Variants in ITCH observed in about 807,000 individuals in gnomAD.
ITCH encodes itchy E3 ubiquitin protein ligase, also known as E3 ubiquitin-protein ligase Itchy homolog.
ITCH carries 28 observed loss-of-function variants against 126.8 expected under a neutral mutation model. The observed-to-expected ratio is 0.22, with a 90% CI of 0.16 to 0.30. The LOEUF is 0.30. Ranked by LOEUF, ITCH falls within the 10% of genes least tolerant of loss-of-function variation. The pLI is 1.00. For missense variants in ITCH, 631 were observed against 1,032.4 expected, an observed-to-expected ratio of 0.61 and a Z score of 5.33; for synonymous variants, 342 against 340.0, an observed-to-expected ratio of 1.01 and a Z score of -0.06.
intron 16 of ITCH, 102 bp from the exon 17 acceptor site, chr20:34,477,670 G>A: frequency 1.0e-6 from 1 of 990,408 alleles, no homozygotes; most frequent in Non-Finnish European, 1.6e-6. Context: ...TGTGTCATGG[G>A]AGATTTCAGT....
chr20:34,372,091 G>A (rs1329011714), intron 2 of ITCH, among the ~76,000 whole-genome samples: 2 of 151,788 alleles, frequency 1.3e-5, no homozygotes, highest in African/African-American at 4.8e-5. Context: ...CGGATCACGA[G>A]GTCAGAAGAT....
intron 7 of ITCH, among the ~76,000 whole-genome samples, chr20:34,424,880 A>G (rs1303888327): frequency 1.3e-5 from 2 of 152,220 alleles, no homozygotes; most frequent in East Asian, 3.8e-4. Flanking sequence ...GAAGGTCACC[A>G]CTAGCTATGG....
chr20:34,508,234 C>T lies in ITCH; in HGVS notation c.*440C>T. The T allele has an allele frequency of 5.1e-6, 1 of 196,734 alleles. No individual in the cohort carries two copies. Among genetic ancestry groups the T allele is most frequent in the South Asian group, 9.0e-5 (1 of 11,116 alleles). 12.2% of individuals were successfully genotyped at this position (196,734 alleles called of 1,614,324 possible). ...ATTTGTTAAAAGTGCAAGCTTACTC[C>T]TGCTTCTGGGGATGTGAGCAAAATT... is the stretch of plus-strand genomic sequence containing the variant. On this transcript the variant is annotated 3_prime_UTR_variant, in exon 25 of 25. Coordinates refer to ENST00000374864, the MANE Select transcript of ITCH (RefSeq NM_031483.7).
intron 10 of ITCH, among the ~76,000 whole-genome samples, chr20:34,444,090 A>G (rs1330027066): frequency 6.6e-6 from 1 of 152,366 alleles, no homozygotes; most frequent in African/African-American, 2.4e-5. Context: ...AGTTTGCTAC[A>G]TTAAGAATAT....
intron 1 of ITCH, among the ~76,000 whole-genome samples, chr20:34,369,143 T>C (rs981442006): frequency 2.2e-4 from 34 of 151,968 alleles, no homozygotes; most frequent in African/African-American, 7.5e-4. Context: ...GCCTGACCAA[T>C]ATGGTGAAAC....
intron 20 of ITCH, among the ~76,000 whole-genome samples, chr20:34,486,403 G>A (rs1989118867): frequency 6.7e-6 from 1 of 148,864 alleles, no homozygotes; most frequent in Non-Finnish European, 1.5e-5. Flanking sequence ...TTGGCTCACT[G>A]CAACTTCCAT....
intron 16 of ITCH, chr20:34,476,466 G>T (rs1285214396): frequency 2.5e-6 from 3 of 1,216,238 alleles, no homozygotes; most frequent in Non-Finnish European, 2.0e-6. Flanking sequence ...CGCCCCCAGC[G>T]GCAGCCATCG....
chr20:34,396,340 T>C (rs565483088), intron 3 of ITCH, among the ~76,000 whole-genome samples: 2 of 151,822 alleles, frequency 1.3e-5, no homozygotes, highest in African/African-American at 4.8e-5. Context: ...GCCCAAATTA[T>C]TTTTAAAAGC....
At chr20:34,470,610 T>G (rs1456054660) in intron 15 of ITCH, among the ~76,000 whole-genome samples, 1 of 152,216 alleles carries the variant, frequency 6.6e-6, no homozygotes, top group Non-Finnish European at 1.5e-5. Context: ...TTATTTTTTC[T>G]GAGACAGGAT....
intron 5 of ITCH, among the ~76,000 whole-genome samples, chr20:34,413,025 G>A (rs1320129271): frequency 6.6e-6 from 1 of 151,750 alleles, no homozygotes; most frequent in Admixed American, 6.6e-5. Context: ...GAGGGACATG[G>A]GGAGACAAGG....
chr20:34,430,301 A>G (rs145383441), intron 7 of ITCH, among the ~76,000 whole-genome samples: 1 of 152,312 alleles, frequency 6.6e-6, no homozygotes, highest in East Asian at 1.9e-4. Flanking sequence ...CGTAACTATC[A>G]TGCTTTACTG....
intron 2 of ITCH, among the ~76,000 whole-genome samples, chr20:34,386,095 G>GTT (rs58468663): frequency 3.9e-4 from 56 of 144,764 alleles, no homozygotes; most frequent in East Asian, 1.2e-3. Flanking sequence ...CGGCTCCTTT[G>GTT]TTTTTTTTTT....
At chr20:34,483,898 ACAAT>A (rs1988931575) in intron 20 of ITCH, among the ~76,000 whole-genome samples, 1 of 152,224 alleles carries the variant, frequency 6.6e-6, no homozygotes. Flanking sequence ...GGGAGGCCTC[ACAAT>A]CATGGTGGAA....
intron 6 of ITCH, among the ~76,000 whole-genome samples, chr20:34,419,989 T>TTC (rs1229216057): frequency 6.6e-6 from 1 of 152,180 alleles, no homozygotes; most frequent in Non-Finnish European, 1.5e-5. Flanking sequence ...ATAAACAGAT[T>TTC]TAACGTTTAT....
intron 3 of ITCH, among the ~76,000 whole-genome samples, chr20:34,406,692 G>C (rs1448928717): frequency 6.6e-6 from 1 of 151,840 alleles, no homozygotes; most frequent in Admixed American, 6.6e-5. Flanking sequence ...TCGCCACCAC[G>C]CCCGGCTAAT....
chr20:34,383,330 G>A lies in ITCH; in HGVS notation c.-21-10461G>A, dbSNP rs1187052705. ...AGGTATTGGGGGTGGGATTACAGGC[G>A]TGAGCCACCATGCCAGTCTTGGGCT... On this transcript the variant is annotated intron_variant, in intron 2 of 24. Transcript: ENST00000374864. Among the ~76,000 whole-genome samples the A allele has an allele frequency of 3.3e-5, 5 of 150,456 alleles. No homozygotes were observed. In the East Asian group the frequency reaches 7.8e-4, roughly 23 times the overall value.
At chr20:34,381,489 C>T (rs987258826) in intron 2 of ITCH, among the ~76,000 whole-genome samples, 5 of 151,732 alleles carry the variant, frequency 3.3e-5, no homozygotes, top group Non-Finnish European at 5.9e-5. Context: ...TGCAATGGCG[C>T]GATCTCTGCT....
At position 34,508,206 on chromosome 20, in the gene ITCH, G is replaced by A. The variant is rs1978360640; in HGVS notation, c.*412G>A. ...TTTCCTATTAAGCCTCTTGGTAAGA[G>A]GCATTTGTTAAAAGTGCAAGCTTAC... is the stretch of plus-strand genomic sequence containing the variant. On this transcript the variant is annotated 3_prime_UTR_variant, in exon 25 of 25. Coordinates refer to ENST00000374864, the MANE Select transcript of ITCH (RefSeq NM_031483.7). The A allele has an allele frequency of 9.8e-6, 2 of 204,608 alleles. No individual in the cohort carries two copies. The highest frequency in any genetic ancestry group is 1.6e-4 in the South Asian group (2 of 12,448). The allele number at this position is 204,608 out of a possible 1,614,324, so 12.7% of individuals were successfully genotyped here. A position where few individuals can be genotyped will look rare whatever the true frequency, so the allele number is the denominator to read the frequency against.
chr20:34,489,120 C>A, intron 20 of ITCH, 146 bp from the exon 21 acceptor site: 1 of 578,806 alleles, frequency 1.7e-6, no homozygotes, highest in Non-Finnish European at 2.9e-6. Context: ...TGTGATGAAG[C>A]TTGGACATGT....
Sources: gnomAD v4.1 joint callset for allele counts (sites outside exome capture counted in the v4.1 genomes callset) on GRCh38, gnomAD v4.1.1 for gene constraint, MANE v1.5 for transcripts, NCBI Gene and HGNC (gene_info 2026-07-23, HGNC 2026-07-21) for gene names.